OGDHL: variants seen among roughly 807,000 people sequenced by gnomAD.
OGDHL encodes the protein oxoglutarate dehydrogenase L.
OGDHL carries 79 observed loss-of-function variants against 109.6 expected under a neutral mutation model. The ratio of observed to expected loss-of-function variants is 0.72; its 90% CI spans 0.60 to 0.87. The LOEUF is 0.87. OGDHL is among the 40% of genes least tolerant of loss of function. The pLI, the probability that OGDHL is intolerant of heterozygous loss-of-function variation, is 0.00. For missense variants in OGDHL, 1,275 were observed against 1,362.2 expected (o/e 0.94, Z 1.01); for synonymous variants, 528 against 537.2 (o/e 0.98, Z 0.24).
At chr10:49,740,066 G>A (rs771572934) in intron 16 of OGDHL, among the ~76,000 whole-genome samples, 9 of 152,110 alleles carry the variant, frequency 5.9e-5, no homozygotes, top group Non-Finnish European at 1.2e-4. Context: ...GTGTGGTCAG[G>A]TTCAACCTTA....
intron 10 of OGDHL, among the ~76,000 whole-genome samples, chr10:49,746,178 C>T (rs1338033549): frequency 2.6e-5 from 4 of 152,150 alleles, no homozygotes; most frequent in South Asian, 2.1e-4. Flanking sequence ...CAGCACCAGC[C>T]GGGTGGAGCC....
At chr10:49,741,748 CCA>C (rs922848299) in intron 15 of OGDHL, among the ~76,000 whole-genome samples, 1 of 149,624 alleles carries the variant, frequency 6.7e-6, no homozygotes, top group African/African-American at 2.5e-5. Flanking sequence ...CATACACACA[CCA>C]CACACACCAA....
rs938888735 is a variant in OGDHL, at chr10:49,740,755, G to A, written c.2095C>T (p.Pro699Ser). ...PMNHLWPDQA[P>S]YTVCNSSLSE... is the part of the protein sequence containing the mutation. ...AGGGAGCTGTTGCACACGGTGTACGGGGCCTGGTCAGGCCAGAGATGATTC... is the reference window on the plus strand; with the variant it reads ...AGGGAGCTGTTGCACACGGTGTACGAGGCCTGGTCAGGCCAGAGATGATTC... The change falls in exon 16 of 23, where the codon CCG becomes TCG. Residue 699 changes from proline (P) to serine (S), a missense_variant. Coordinates refer to ENST00000374103, the MANE Select transcript of OGDHL (RefSeq NM_018245.3). The A allele has an allele frequency of 2.5e-6, 4 of 1,613,806 alleles. No homozygotes were observed. The highest frequency in any genetic ancestry group is 3.4e-6 in the Non-Finnish European group (4 of 1,179,844).
intron 8 of OGDHL, among the ~76,000 whole-genome samples, chr10:49,749,391 T>C (rs549837387): frequency 6.6e-6 from 1 of 152,240 alleles, no homozygotes; most frequent in East Asian, 1.9e-4. Context: ...TCCTGGCTGG[T>C]GGACAGGACT....
chr10:49,751,767 A>T, intron 6 of OGDHL, 60 bp downstream of exon 6: 1 of 1,577,482 alleles, frequency 6.3e-7, no homozygotes, highest in Non-Finnish European at 8.6e-7. Flanking sequence ...AGGGTGTGGG[A>T]CGTCTCATAG....
rs1344061812 is a variant in OGDHL, at chr10:49,745,478, C to T, written c.1495G>A (p.Gly499Ser). ...ATGGGCTCGTCCATCTCATTGTGGC[C>T]ACGCCGGCGGTAACAGACCTGCAGG... ...VVDLVCYRRRGHNEMDEPMFT... is the reference protein window; with the variant it reads ...VVDLVCYRRRSHNEMDEPMFT... Residue 499 changes from glycine to serine, a missense_variant, in exon 12 of 23, where the codon GGC (glycine) becomes AGC (serine). By Grantham distance (56) the Gly-to-Ser change is moderately conservative. Coordinates refer to ENST00000374103, the MANE Select transcript of OGDHL (RefSeq NM_018245.3). 1.2e-6 allele frequency: 2 copies of T among 1,613,892 alleles called. No individual in the cohort carries two copies. Among genetic ancestry groups the T allele is most frequent in the South Asian group, 1.1e-5 (1 of 91,084 alleles).
rs749032296 is a variant in OGDHL at position 49,752,199 on chromosome 10, C to T, written c.528G>A (p.Pro176=). The T allele has an allele frequency of 7.4e-6, 12 of 1,614,098 alleles. No individual in the cohort carries two copies. The highest frequency in any genetic ancestry group is 1.6e-4 in the Middle Eastern group (1 of 6,062). ...EADLDKEFQL[P]TTTFIGGSEN... is the part of the protein sequence containing the mutation. ...CAGAGCCCCCAATGAAGGTGGTTGT[C>T]GGCAGCTGGAACTCCTTATCAAGGT... Residue 176 remains proline, a synonymous_variant, in exon 5 of 23, where the codon CCG becomes CCA. Coordinates refer to ENST00000374103, the MANE Select transcript of OGDHL (RefSeq NM_018245.3).
At chr10:49,753,703 C>G (rs1043829055) in intron 3 of OGDHL, among the ~76,000 whole-genome samples, 1 of 152,030 alleles carries the variant, frequency 6.6e-6, no homozygotes, top group African/African-American at 2.4e-5. Context: ...CCAGCCTGAC[C>G]AACATGGTGA....
At chr10:49,762,056 CAGCCAAGGTCAG>C (rs1259004890) in intron 1 of OGDHL, among the ~76,000 whole-genome samples, 171 bp downstream of exon 1, 1 of 152,168 alleles carries the variant, frequency 6.6e-6, no homozygotes, top group African/African-American at 2.4e-5. Context: ...AGGCCACGGC[CAGCCAAGGTCAG>C]AGCCAAGGTC....
At chr10:49,749,861 C>T in intron 7 of OGDHL, 45 bp from the exon 8 acceptor site, 1 of 1,514,782 alleles carries the variant, frequency 6.6e-7, no homozygotes, top group Non-Finnish European at 8.9e-7. Context: ...AGCCCGCAGG[C>T]CTCAGGGTTC....
chr10:49,757,871 C>T (rs1273859873), intron 2 of OGDHL, among the ~76,000 whole-genome samples: 1 of 152,164 alleles, frequency 6.6e-6, no homozygotes, highest in African/African-American at 2.4e-5. Flanking sequence ...AGTTGGGGGA[C>T]AGTGGGAACT....
Position 49,744,642 on chromosome 10 carries a change from T to C in OGDHL, c.1732+8A>G. 1.9e-6 allele frequency: 3 copies of C among 1,612,316 alleles called. No homozygotes were observed. Among genetic ancestry groups the C allele is most frequent in the Non-Finnish European group, 2.5e-6 (3 of 1,178,398 alleles). On this transcript the variant is annotated splice_region_variant and intron_variant, in intron 13 of 22. Transcript: ENST00000374103. ...GGAGTCCCTCTGAGCCACACACTGC[T>C]CGCTCACCAGGCCAGGGGGAGTCCA... is the stretch of plus-strand genomic sequence containing the variant.
intron 17 of OGDHL, chr10:49,738,591 T>G (rs1590682473): frequency 2.6e-6 from 1 of 390,928 alleles, no homozygotes. Flanking sequence ...GGAGGCAGAG[T>G]TCTAGGAATC....
At chr10:49,752,857 T>C (rs913266531) in intron 3 of OGDHL, 117 bp from the exon 4 acceptor site, 24 of 709,306 alleles carry the variant, frequency 3.4e-5, no homozygotes, top group Non-Finnish European at 5.4e-5. Flanking sequence ...AGCTTCCCCA[T>C]GTCTCTGCCC....
At position 49,742,945 on chromosome 10, in the gene OGDHL, A is replaced by T; in HGVS notation, c.1895T>A (p.Met632Lys). 6.2e-7 allele frequency: 1 copy of T among 1,613,894 alleles called. No individual in the cohort carries two copies. Among genetic ancestry groups the T allele is most frequent in the Non-Finnish European group, 8.5e-7 (1 of 1,180,006 alleles). ...CCAGTCCACCGTCCGGTTCTTGGTC[A>T]TGTCCGCACGGCCCCGCAGAATGCG... The part of the protein sequence containing the change: ...LSRILRGRAD[M>K]TKNRTVDWAL... Residue 632 changes from methionine to lysine, a missense_variant, in exon 15 of 23, where the codon ATG (methionine) becomes AAG (lysine). By Grantham distance (95) the Met-to-Lys change is moderately conservative. Coordinates refer to ENST00000374103, the MANE Select transcript of OGDHL (RefSeq NM_018245.3).
At chr10:49,743,390 T>TCGGTC (rs1841939094) in intron 14 of OGDHL, among the ~76,000 whole-genome samples, 2 of 151,372 alleles carry the variant, frequency 1.3e-5, no homozygotes, top group South Asian at 2.1e-4. Context: ...CCCCAGGACA[T>TCGGTC]TCGGTCTCGG....
chr10:49,749,575 G>A, intron 8 of OGDHL, 151 bp downstream of exon 8: 1 of 681,980 alleles, frequency 1.5e-6, no homozygotes, highest in South Asian at 2.0e-5. Flanking sequence ...AGGGTCCTCA[G>A]GCAAACACCC....
chr10:49,752,300 G>T, intron 4 of OGDHL, 52 bp from the exon 5 acceptor site: 2 of 1,397,044 alleles, frequency 1.4e-6, no homozygotes, highest in Non-Finnish European at 1.0e-6. Flanking sequence ...AGGGAGGGAG[G>T]TCAGGCCCAG....
At position 49,745,947 on chromosome 10, in the gene OGDHL, G is replaced by A. The variant is rs761652925; in HGVS notation, c.1327C>T (p.Arg443Cys). ...IGFTTDPRMA[R>C]SSPYPTDVAR... ...ACGTCGGTCGGGTATGGTGAGGAGC[G>A]GGCCATTCGGGGGTCTGTGGTGAAT... The change falls in exon 11 of 23, where the codon CGC becomes TGC. Residue 443 changes from arginine to cysteine, a missense_variant. Physicochemically the swap from Arg to Cys is radical, Grantham distance 180 (BLOSUM62 -3). Transcript: ENST00000374103. 2.5e-5 allele frequency: 40 copies of A among 1,614,158 alleles called. No individual in the cohort carries two copies. Among genetic ancestry groups the A allele is most frequent in the Non-Finnish European group, 3.2e-5 (38 of 1,180,022 alleles).
Sources: gnomAD v4.1 joint callset for allele counts (sites outside exome capture counted in the v4.1 genomes callset) on GRCh38, gnomAD v4.1.1 for gene constraint, MANE v1.5 for transcripts, NCBI Gene and HGNC (gene_info 2026-07-23, HGNC 2026-07-21) for gene names.